RNF122: variants seen among roughly 807,000 people sequenced by gnomAD.
The protein encoded by RNF122 is ring finger protein 122.
Under a neutral mutation model 24.2 loss-of-function variants are expected in RNF122, and 17 were observed. That is an observed-to-expected ratio of 0.70 (90% CI 0.48 to 1.06). The LOEUF (loss-of-function observed/expected upper bound fraction) is 1.06, where lower values mean the gene tolerates loss of function less well. Among genes scored for constraint, RNF122 ranks in the 50% least tolerant of loss-of-function variants. RNF122 has a pLI of 0.00. For missense variants in RNF122, 168 were observed against 198.1 expected (o/e 0.85, Z 0.91); for synonymous variants, 65 against 71.8 (o/e 0.91, Z 0.48).
At chr8:33,551,994 A>G (rs901313732) in intron 2 of RNF122, among the ~76,000 whole-genome samples, 1 of 152,256 alleles carries the variant, frequency 6.6e-6, no homozygotes, top group Non-Finnish European at 1.5e-5. Flanking sequence ...ACTAATGGCA[A>G]TAGCATAATA....
intron 2 of RNF122, among the ~76,000 whole-genome samples, chr8:33,557,486 AT>A (rs1256021245): frequency 6.6e-6 from 1 of 151,940 alleles, no homozygotes; most frequent in Non-Finnish European, 1.5e-5. Context: ...AAAAATAAAA[AT>A]TAGCTAGGCA....
In RNF122 at chr8:33,558,704, C is replaced by T. The variant is rs3735951; in HGVS notation, c.93G>A (p.Gln31=). ...KSCSMPPISF[Q]DLPLNIYMVI... ...CCATATAGATGTTGAGCGGAAGGTC[C>T]TGGAAACTGATGGGTGGCATCGAGC... The change falls in exon 2 of 6, where the codon CAG becomes CAA. Residue 31 remains glutamine, a synonymous_variant. Coordinates refer to ENST00000256257, the MANE Select transcript of RNF122 (RefSeq NM_024787.3). The T allele has an allele frequency of 0.59, 949,452 of 1,607,448 alleles. 285,174 individuals are homozygous for T. The highest frequency in any genetic ancestry group is 0.83 in the African/African-American group (61,839 of 74,826).
intron 1 of RNF122, among the ~76,000 whole-genome samples, chr8:33,560,292 C>T (rs1200538567): frequency 6.6e-6 from 1 of 152,192 alleles, no homozygotes; most frequent in Non-Finnish European, 1.5e-5. Flanking sequence ...CTCCCTTCCC[C>T]CCTTGCCAGT....
chr8:33,566,887 G>A lies in RNF122; in HGVS notation c.-164C>T, dbSNP rs899078669. 3 of 723,874 alleles carry A rather than the reference G, an allele frequency of 4.1e-6. No individual in the cohort carries two copies. The highest frequency in any genetic ancestry group is 7.2e-6 in the Non-Finnish European group (3 of 416,494). 44.8% of individuals were successfully genotyped at this position (723,874 alleles called of 1,614,324 possible). A position where few individuals can be genotyped will look rare whatever the true frequency, so the allele number is the denominator to read the frequency against. On this transcript the variant is annotated 5_prime_UTR_variant, in exon 1 of 6. Coordinates refer to ENST00000256257, the MANE Select transcript of RNF122 (RefSeq NM_024787.3). ...AACTCCCTCCGGAGTGGGGGGCTTT[G>A]ACGAGGCTGGTGTTCAGCCCAACAA...
chr8:33,562,949 G>T (rs1342581910), intron 1 of RNF122, among the ~76,000 whole-genome samples: 2 of 151,804 alleles, frequency 1.3e-5, no homozygotes, highest in East Asian at 3.9e-4. Context: ...AAAAAACCTG[G>T]GCATGGTGGT....
At chr8:33,563,474 A>C (rs1030718208) in intron 1 of RNF122, among the ~76,000 whole-genome samples, 4 of 152,218 alleles carry the variant, frequency 2.6e-5, no homozygotes, top group Non-Finnish European at 5.9e-5. Flanking sequence ...AAATGAAAGA[A>C]ATAATTAGCT....
At position 33,551,492 on chromosome 8, in the gene RNF122, G is replaced by T. The variant is rs571577844; in HGVS notation, c.183-103C>A. On this transcript the variant is annotated intron_variant, in intron 2 of 5. Transcript: ENST00000256257. ...GGGCATTCTTCCGAGGGCAGGGAGG[G>T]GTGCTTGTCCCATACACACCACAGG... is the stretch of plus-strand genomic sequence containing the variant. 10 of 1,188,582 alleles carry T rather than the reference G, an allele frequency of 8.4e-6. No homozygotes were observed. The African/African-American group carries it at 1.2e-4, about 14-fold the overall frequency. 73.6% of individuals were successfully genotyped at this position (1,188,582 alleles called of 1,614,324 possible).
At chr8:33,549,542 T>A in intron 4 of RNF122, 50 bp from the exon 5 acceptor site, 2 of 1,385,750 alleles carry the variant, frequency 1.4e-6, no homozygotes, top group Non-Finnish European at 2.1e-6. Context: ...ACCATCTCAC[T>A]CATTCAACCC....
intron 2 of RNF122, among the ~76,000 whole-genome samples, chr8:33,553,791 A>G (rs1304077448): frequency 6.6e-6 from 1 of 152,164 alleles, no homozygotes; most frequent in Non-Finnish European, 1.5e-5. Flanking sequence ...TCAGGCTGCC[A>G]GCCTCCTCCA....
intron 1 of RNF122, among the ~76,000 whole-genome samples, chr8:33,560,674 C>A (rs999998605): frequency 1.3e-5 from 2 of 151,946 alleles, no homozygotes; most frequent in African/African-American, 4.8e-5. Context: ...TGGTGTCTCA[C>A]GCCTGTAATC....
chr8:33,559,903 G>A (rs1358921168), intron 1 of RNF122, among the ~76,000 whole-genome samples: 1 of 148,614 alleles, frequency 6.7e-6, no homozygotes, highest in Non-Finnish European at 1.5e-5. Context: ...GGGCAGTGGC[G>A]TGATCTTGGC....
intron 1 of RNF122, among the ~76,000 whole-genome samples, chr8:33,564,360 CAATG>C (rs1810589724): frequency 6.6e-6 from 1 of 151,748 alleles, no homozygotes; most frequent in Non-Finnish European, 1.5e-5. Flanking sequence ...CCAGCATAGG[CAATG>C]TAGTGAAACC....
intron 2 of RNF122, among the ~76,000 whole-genome samples, chr8:33,553,148 C>A (rs1051965001): frequency 3.3e-5 from 5 of 150,660 alleles, no homozygotes; most frequent in African/African-American, 1.2e-4. Context: ...CTGGTGATCA[C>A]TTCTAAACAC....
intron 2 of RNF122, among the ~76,000 whole-genome samples, chr8:33,552,029 A>G (rs912284395): frequency 6.6e-6 from 1 of 152,234 alleles, no homozygotes; most frequent in Non-Finnish European, 1.5e-5. Context: ...TACTTGCTAT[A>G]TGTCGCTGGG....
intron 1 of RNF122, among the ~76,000 whole-genome samples, chr8:33,566,245 G>A (rs936755200): frequency 6.6e-6 from 1 of 152,162 alleles, no homozygotes; most frequent in Non-Finnish European, 1.5e-5. Flanking sequence ...CTACCCCCGC[G>A]CCCAGTCCCG....
Position 33,548,030 on chromosome 8 carries a change from ATAGAAC to A in RNF122, c.*717_*722del, listed in dbSNP as rs934973256. 13 of 146,344 alleles carry A rather than the reference ATAGAAC, an allele frequency of 8.9e-5. No homozygotes were observed. The highest frequency in any genetic ancestry group is 5.5e-4 in the Admixed American group (8 of 14,590). The allele number at this position is 146,344 out of a possible 1,614,324, so 9.1% of individuals were successfully genotyped here. A position where few individuals can be genotyped will look rare whatever the true frequency, so the allele number is the denominator to read the frequency against. ...AAGGCCCCTGGGAATCAATTTAAGT[ATAGAAC>A]TAGCCCTCCTCTAGAGGGGCCCACA... On this transcript the variant is annotated 3_prime_UTR_variant, in exon 6 of 6. Coordinates refer to ENST00000256257, the MANE Select transcript of RNF122 (RefSeq NM_024787.3).
At chr8:33,550,009 C>T (rs1430115205) in intron 4 of RNF122, among the ~76,000 whole-genome samples, 1 of 151,844 alleles carries the variant, frequency 6.6e-6, no homozygotes, top group Non-Finnish European at 1.5e-5. Flanking sequence ...TCTTGGCTCA[C>T]TGCAACCTGC....
Position 33,547,967 on chromosome 8 carries a change from C to T in RNF122, c.*786G>A, listed in dbSNP as rs2128837596. On this transcript the variant is annotated 3_prime_UTR_variant, in exon 6 of 6. Coordinates refer to ENST00000256257, the MANE Select transcript of RNF122 (RefSeq NM_024787.3). ...TTAACCGTAGACACCCCCATCCCCA[C>T]ACCCCTTTTGATCAAAAAAAAAAAA... The T allele has an allele frequency of 7.5e-6, 1 of 133,188 alleles. No homozygotes were observed. Among genetic ancestry groups the T allele is most frequent in the East Asian group, 2.2e-4 (1 of 4,574 alleles). 8.3% of individuals were successfully genotyped at this position (133,188 alleles called of 1,614,324 possible).
chr8:33,565,688 AG>A (rs1810611770), intron 1 of RNF122, among the ~76,000 whole-genome samples: 4 of 152,182 alleles, frequency 2.6e-5, no homozygotes, highest in African/African-American at 9.7e-5. Flanking sequence ...AGGCCTGGGG[AG>A]AAATGGGGCG....
Sources: allele counts gnomAD v4.1 joint callset (sites outside exome capture counted in the v4.1 genomes callset), GRCh38; gene constraint gnomAD v4.1.1; transcripts MANE v1.5; gene names NCBI Gene and HGNC (gene_info 2026-07-23, HGNC 2026-07-21).